The following NCAPD3 variants were observed in gnomAD, a reference collection of about 807,000 sequenced individuals.
NCAPD3 encodes the protein non-SMC condensin II complex subunit D3.
A neutral mutation model predicts 182.9 loss-of-function variants in NCAPD3; 105 were observed. That is an observed-to-expected ratio of 0.57 (90% CI 0.49 to 0.68). The LOEUF is 0.68. Ranked by LOEUF, NCAPD3 falls within the 30% of genes least tolerant of loss-of-function variation. NCAPD3 has a pLI of 0.00. For missense variants in NCAPD3, 1,944 were observed against 1,837.0 expected (o/e 1.06, Z -1.07); for synonymous variants, 815 against 679.9 (o/e 1.20, Z -3.09).
chr11:134,202,076 C>T (rs968832806), intron 13 of NCAPD3, among the ~76,000 whole-genome samples: 2 of 152,220 alleles, frequency 1.3e-5, no homozygotes, highest in East Asian at 3.8e-4. Context: ...AGAGATGGAG[C>T]TCTGTCTCAC....
At position 134,201,226 on chromosome 11, in the gene NCAPD3, G is replaced by A. The variant is rs545387957; in HGVS notation, c.1615+1590C>T. On this transcript the variant is annotated intron_variant, in intron 13 of 34. Coordinates refer to ENST00000534548, the MANE Select transcript of NCAPD3 (RefSeq NM_015261.3). ...TTTAGTAGAGACGGGGTTTCACCATGTTGGCCAGGATGGTCTCGATCTCCT... is the reference window on the plus strand; with the variant it reads ...TTTAGTAGAGACGGGGTTTCACCATATTGGCCAGGATGGTCTCGATCTCCT... 3.3e-5 allele frequency among the ~76,000 whole-genome samples: 5 copies of A among 151,970 alleles called. No individual in the cohort carries two copies. In the East Asian group the frequency reaches 9.7e-4, roughly 29 times the overall value.
intron 27 of NCAPD3, among the ~76,000 whole-genome samples, chr11:134,167,338 G>A (rs572544866): frequency 9.6e-5 from 4 of 41,628 alleles, no homozygotes; most frequent in Non-Finnish European, 1.1e-4. Context: ...TGGGGGAGGC[G>A]CACACTCGTG....
At position 134,191,215 on chromosome 11, in the gene NCAPD3, T is replaced by TTTTA. The variant is rs546837736; in HGVS notation, c.2045+1473_2045+1474insTAAA. Among the ~76,000 whole-genome samples the TTTTA allele has an allele frequency of 2.2e-4, 33 of 152,338 alleles. No homozygotes were observed. In the South Asian group the frequency reaches 6.4e-3, roughly 30 times the overall value. On this transcript the variant is annotated intron_variant, in intron 16 of 34. Transcript: ENST00000534548. Reference sequence around the variant, plus strand: ...TTTGTTTGTTTGTTTTAATGTCTCCTTAAAGACCTCTGAAATAAATGAATA... The same window carrying TTTTA: ...TTTGTTTGTTTGTTTTAATGTCTCCTTTTATAAAGACCTCTGAAATAAATGAATA...
At chr11:134,158,814 C>T (rs1405388737) in intron 29 of NCAPD3, among the ~76,000 whole-genome samples, 1 of 152,220 alleles carries the variant, frequency 6.6e-6, no homozygotes, top group Non-Finnish European at 1.5e-5. Flanking sequence ...AACTTCTCTT[C>T]ATCCCCCTTC....
chr11:134,222,869 T>C (rs1456938133), intron 1 of NCAPD3, among the ~76,000 whole-genome samples: 2 of 152,262 alleles, frequency 1.3e-5, no homozygotes, highest in Non-Finnish European at 2.9e-5. Flanking sequence ...TTAGTATCTG[T>C]TCAGCAGTTA....
chr11:134,204,241 A>G lies in NCAPD3; in HGVS notation c.1090-70T>C, dbSNP rs1028815398. The G allele has an allele frequency of 9.0e-6, 14 of 1,549,032 alleles. No homozygotes were observed. The highest frequency in any genetic ancestry group is 2.7e-5 in the African/African-American group (2 of 73,120). On this transcript the variant is annotated intron_variant, in intron 9 of 34. Transcript: ENST00000534548. This position sits in a 1 kb window ranked among gnomAD's most constrained non-coding sequence, Gnocchi z 4.3. Reference sequence around the variant, plus strand: ...GGATGGCTGAAACATATTCTGTAATATAAGTTGAAAGTCAGTGAGTACAAC... The same window carrying G: ...GGATGGCTGAAACATATTCTGTAATGTAAGTTGAAAGTCAGTGAGTACAAC...
intron 30 of NCAPD3, 21 bp downstream of exon 30, chr11:134,158,308 T>C (rs1250664473): frequency 8.7e-6 from 14 of 1,613,274 alleles, no homozygotes; most frequent in East Asian, 2.2e-5. Flanking sequence ...AGCCCTGATG[T>C]GGCCTCCAGG....
intron 27 of NCAPD3, among the ~76,000 whole-genome samples, chr11:134,164,414 A>C (rs1219169186): frequency 6.6e-6 from 1 of 152,254 alleles, no homozygotes; most frequent in African/African-American, 2.4e-5. Flanking sequence ...CTGGAGTGGG[A>C]AACAGGTTTG....
At chr11:134,169,873 C>G (rs563818122) in intron 24 of NCAPD3, among the ~76,000 whole-genome samples, 5 of 152,204 alleles carry the variant, frequency 3.3e-5, no homozygotes, top group African/African-American at 4.8e-5. Flanking sequence ...TTCACACTGT[C>G]AAGACCAGTG....
chr11:134,181,044 C>A lies in NCAPD3; in HGVS notation c.2559+33G>T, dbSNP rs372214923. The A allele has an allele frequency of 1.7e-5, 26 of 1,509,290 alleles. No homozygotes were observed. In the African/African-American group the frequency reaches 3.3e-4, roughly 19 times the overall value. 93.5% of individuals were successfully genotyped at this position (1,509,290 alleles called of 1,614,324 possible). A position where few individuals can be genotyped will look rare whatever the true frequency, so the allele number is the denominator to read the frequency against. On this transcript the variant is annotated intron_variant, in intron 20 of 34. Coordinates refer to ENST00000534548, the MANE Select transcript of NCAPD3 (RefSeq NM_015261.3). ...TAGAACCTCACGGATAAAATGGAAG[C>A]GAAAAGAATGGTTAGGAAAAGCAGT...
chr11:134,206,169 G>C (rs754228816), intron 8 of NCAPD3, among the ~76,000 whole-genome samples: 7 of 152,190 alleles, frequency 4.6e-5, no homozygotes, highest in South Asian at 2.1e-4. Flanking sequence ...CATTTCTACA[G>C]AGGGAAAGGA....
At chr11:134,159,551 C>A (rs898618415) in intron 29 of NCAPD3, among the ~76,000 whole-genome samples, 1 of 152,190 alleles carries the variant, frequency 6.6e-6, no homozygotes, top group Non-Finnish European at 1.5e-5. Flanking sequence ...AACAGCTACT[C>A]CTAGAAATGG....
intron 32 of NCAPD3, chr11:134,153,670 C>T (rs1216270544): frequency 9.1e-6 from 4 of 440,696 alleles, no homozygotes; most frequent in South Asian, 6.9e-5. Context: ...TCCCGGTGAC[C>T]GCCCTGTCCC....
chr11:134,156,490 C>G (rs899298741), intron 32 of NCAPD3, among the ~76,000 whole-genome samples: 3 of 152,210 alleles, frequency 2.0e-5, no homozygotes, highest in African/African-American at 7.2e-5. Flanking sequence ...ATACTCAACT[C>G]TCCTAACTCA....
chr11:134,166,684 G>T, intron 27 of NCAPD3, among the ~76,000 whole-genome samples: 1 of 123,552 alleles, frequency 8.1e-6, no homozygotes. Flanking sequence ...GCTTGGGGGA[G>T]GGGCACACTG....
At chr11:134,203,514 A>AT in intron 11 of NCAPD3, 140 bp downstream of exon 11, 1 of 1,171,650 alleles carries the variant, frequency 8.5e-7, no homozygotes, top group Admixed American at 2.6e-5. Context: ...TGGCAAGAAA[A>AT]TATACTAAAA....
chr11:134,153,447 G>C (rs2120467313), intron 32 of NCAPD3, 84 bp from the exon 33 acceptor site: 6 of 1,389,554 alleles, frequency 4.3e-6, no homozygotes, highest in Non-Finnish European at 6.1e-6. Flanking sequence ...GACGTAGGCA[G>C]GGTGTCCACA....
intron 32 of NCAPD3, among the ~76,000 whole-genome samples, chr11:134,155,799 A>G (rs528219381): frequency 6.0e-5 from 9 of 150,662 alleles, no homozygotes; most frequent in African/African-American, 1.7e-4. Flanking sequence ...TCCACGACGC[A>G]GGATCCCAAA....
intron 16 of NCAPD3, among the ~76,000 whole-genome samples, chr11:134,190,218 C>T (rs146427115): frequency 1.2e-3 from 189 of 152,246 alleles, no homozygotes; most frequent in Non-Finnish European, 2.2e-3. Context: ...AGTGTTAACT[C>T]GAGTTTAATG....
Sources: gnomAD v4.1 joint callset for allele counts (sites outside exome capture counted in the v4.1 genomes callset) on GRCh38, gnomAD v4.1.1 for gene constraint, Gnocchi (gnomAD v3.1) non-coding constraint, MANE v1.5 for transcripts, NCBI Gene and HGNC (gene_info 2026-07-23, HGNC 2026-07-21) for gene names.